The following RBFOX1 variants were observed in gnomAD, a reference collection of about 807,000 sequenced individuals.
RBFOX1 encodes the protein RNA binding fox-1 homolog 1, also known as RNA binding protein fox-1 homolog 1.
A neutral mutation model predicts 57.7 loss-of-function variants in RBFOX1; 8 were observed. That is an observed-to-expected ratio of 0.14 (90% CI 0.08 to 0.25). The LOEUF is 0.25. Ranked by LOEUF, RBFOX1 falls within the 10% of genes least tolerant of loss-of-function variation. RBFOX1 has a pLI of 1.00. For missense variants in RBFOX1, 611 were observed against 548.5 expected (o/e 1.11, Z -1.14); for synonymous variants, 326 against 222.4 (o/e 1.47, Z -4.15).
chr16:5,961,133 C>T (rs1265123103), intron 4 of RBFOX1, among the ~76,000 whole-genome samples: 2 of 152,016 alleles, frequency 1.3e-5, no homozygotes, highest in African/African-American at 4.8e-5. Flanking sequence ...TATCCATTCC[C>T]TTCTCATTCA....
chr16:7,225,600 G>A (rs1033669931), intron 4 of RBFOX1, among the ~76,000 whole-genome samples: 3 of 151,946 alleles, frequency 2.0e-5, no homozygotes, highest in Non-Finnish European at 4.4e-5. Context: ...TGATGAGATT[G>A]TGACCTTACA....
intron 1 of RBFOX1, among the ~76,000 whole-genome samples, chr16:5,323,165 G>T (rs553683780): frequency 2.6e-5 from 4 of 152,206 alleles, no homozygotes; most frequent in Non-Finnish European, 5.9e-5. Flanking sequence ...ATGACAAAGT[G>T]CTGTATGCGT....
At chr16:6,965,115 G>C (rs115788223) in intron 3 of RBFOX1, among the ~76,000 whole-genome samples, 413 of 152,178 alleles carry the variant, frequency 2.7e-3, no homozygotes, top group African/African-American at 6.8e-3. Context: ...GGTTTATCTA[G>C]ACTCTGCCTC....
intron 2 of RBFOX1, among the ~76,000 whole-genome samples, chr16:6,431,324 G>C (rs886422453): frequency 2.6e-5 from 4 of 151,912 alleles, no homozygotes; most frequent in Admixed American, 2.0e-4. Context: ...TTCTAGCATA[G>C]GTGAGGCAGG....
At chr16:7,402,329 A>G (rs1047963215) in intron 4 of RBFOX1, among the ~76,000 whole-genome samples, 2 of 152,228 alleles carry the variant, frequency 1.3e-5, no homozygotes, top group South Asian at 4.1e-4. Flanking sequence ...GAAAAGTAGT[A>G]AGTATGTTCC....
chr16:7,661,554 C>A (rs946741058), intron 12 of RBFOX1, among the ~76,000 whole-genome samples: 5 of 152,212 alleles, frequency 3.3e-5, no homozygotes, highest in Admixed American at 6.5e-5. Flanking sequence ...GTTCCACATT[C>A]AGGGCACCTC....
intron 4 of RBFOX1, among the ~76,000 whole-genome samples, chr16:5,992,528 G>A (rs1236529539): frequency 2.0e-5 from 3 of 152,148 alleles, no homozygotes; most frequent in African/African-American, 7.2e-5. Context: ...CCAAGCCTTC[G>A]TGTGCATGTA....
At chr16:6,588,233 A>G (rs561780952) in intron 2 of RBFOX1, among the ~76,000 whole-genome samples, 17 of 147,462 alleles carry the variant, frequency 1.2e-4, no homozygotes, top group Admixed American at 6.1e-4. Context: ...GTGTCTCGGG[A>G]AAAAAAAAAA....
At chr16:7,246,633 C>CTTTTTTTTTTTTTTTTTTTTTTTTTTTTT (rs56654382) in intron 4 of RBFOX1, among the ~76,000 whole-genome samples, 1 of 105,500 alleles carries the variant, frequency 9.5e-6, no homozygotes, top group African/African-American at 4.3e-5. Context: ...TGGTCACCTC[C>CTTTTTTTTTTTTTTTTTTTTTTTTTTTTT]TTTTTTTTTT....
chr16:6,497,779 A>T (rs1011416994), intron 2 of RBFOX1, among the ~76,000 whole-genome samples: 1 of 151,274 alleles, frequency 6.6e-6, no homozygotes. Flanking sequence ...CTGACCTCGA[A>T]CTCCTGACCT....
At chr16:6,216,778 T>G (rs1244056131) in intron 1 of RBFOX1, among the ~76,000 whole-genome samples, 1 of 152,230 alleles carries the variant, frequency 6.6e-6, no homozygotes, top group Non-Finnish European at 1.5e-5. Context: ...AAGCAAATTC[T>G]TTTATTTCTC....
intron 3 of RBFOX1, among the ~76,000 whole-genome samples, chr16:6,861,491 C>G (rs112441296): frequency 6.6e-6 from 1 of 151,204 alleles, no homozygotes; most frequent in South Asian, 2.1e-4. Context: ...ACCCCCTCCC[C>G]CCCCGACTCA....
chr16:5,782,659 G>T (rs1461511417), intron 3 of RBFOX1, among the ~76,000 whole-genome samples: 1 of 152,092 alleles, frequency 6.6e-6, no homozygotes, highest in Non-Finnish European at 1.5e-5. Context: ...TGAGAGTGTG[G>T]GTATGTGTAT....
At chr16:6,654,780 G>T in intron 3 of RBFOX1, 130 bp downstream of exon 3, 1 of 606,222 alleles carries the variant, frequency 1.6e-6, no homozygotes, top group Non-Finnish European at 2.6e-6. Flanking sequence ...CATATTTAAA[G>T]ACAATCAGAC....
chr16:7,468,919 G>C (rs1434900558), intron 4 of RBFOX1, among the ~76,000 whole-genome samples: 1 of 152,008 alleles, frequency 6.6e-6, no homozygotes, highest in South Asian at 2.1e-4. Flanking sequence ...CTTGAGCCAT[G>C]GTCCCAGCAA....
At chr16:6,540,882 T>C (rs2096805883) in intron 2 of RBFOX1, among the ~76,000 whole-genome samples, 1 of 152,150 alleles carries the variant, frequency 6.6e-6, no homozygotes, top group East Asian at 1.9e-4. Context: ...TTCTCCATTA[T>C]AAATCCGTTA....
chr16:6,630,017 A>G (rs1602013287), intron 2 of RBFOX1, among the ~76,000 whole-genome samples: 2 of 150,862 alleles, frequency 1.3e-5, no homozygotes, highest in African/African-American at 4.9e-5. Flanking sequence ...AAAAATGGAA[A>G]GATTAAACCC....
chr16:6,905,734 GA>G (rs749991225), intron 3 of RBFOX1, among the ~76,000 whole-genome samples: 7 of 152,166 alleles, frequency 4.6e-5, no homozygotes, highest in Non-Finnish European at 1.0e-4. Context: ...TCCAATGCCT[GA>G]GGCAAGTTTG....
chr16:7,322,470 G>A (rs756508960), intron 4 of RBFOX1, among the ~76,000 whole-genome samples: 23 of 152,216 alleles, frequency 1.5e-4, no homozygotes, highest in Non-Finnish European at 1.6e-4. Flanking sequence ...TTGACTTTGC[G>A]CATGCCTGCC....
Sources: gnomAD v4.1 joint callset for allele counts (sites outside exome capture counted in the v4.1 genomes callset) on GRCh38, gnomAD v4.1.1 for gene constraint, MANE v1.5 for transcripts, NCBI Gene and HGNC (gene_info 2026-07-23, HGNC 2026-07-21) for gene names.